PKNOX2: variants seen among roughly 807,000 people sequenced by gnomAD.
PKNOX2 encodes homeobox protein PKNOX2.
A neutral mutation model predicts 53.1 loss-of-function variants in PKNOX2; 14 were observed. That is an observed-to-expected ratio of 0.26 (90% confidence interval 0.17 to 0.41). The LOEUF (loss-of-function observed/expected upper bound fraction) is 0.41. Ranked by LOEUF, PKNOX2 falls within the 10% of genes least tolerant of loss-of-function variation. PKNOX2 has a pLI of 1.00. For synonymous variants in PKNOX2, 257 were observed against 242.8 expected (o/e 1.06, Z -0.54); for missense variants, 496 against 602.8 (o/e 0.82, Z 1.85).
intron 1 of PKNOX2, among the ~76,000 whole-genome samples, chr11:125,176,059 A>G (rs1004506060): frequency 1.3e-5 from 2 of 152,156 alleles, no homozygotes; most frequent in African/African-American, 4.8e-5. Context: ...GTGGCTTTCC[A>G]TGACTTCCTT....
At chr11:125,423,404 A>G (rs959131616) in intron 10 of PKNOX2, among the ~76,000 whole-genome samples, 2 of 152,094 alleles carry the variant, frequency 1.3e-5, no homozygotes, top group African/African-American at 4.8e-5. Flanking sequence ...AAAAAGCAGC[A>G]TTATTAGTGA....
At chr11:125,288,546 C>T (rs909165058) in intron 2 of PKNOX2, among the ~76,000 whole-genome samples, 4 of 152,232 alleles carry the variant, frequency 2.6e-5, no homozygotes, top group Admixed American at 2.6e-4. Context: ...CCTCATGGCC[C>T]ATCGGCCCTG....
In PKNOX2 at chr11:125,367,871, C is replaced by T. The variant is rs1952276007; in HGVS notation, c.113C>T (p.Ser38Phe). Residue 38 changes from serine (S) to phenylalanine (F), a missense_variant, in exon 5 of 13, where the codon TCC (serine) becomes TTC (phenylalanine). Ser to Phe is a radical substitution (Grantham distance 155). Transcript: ENST00000298282. The stretch of plus-strand genomic sequence containing the variant: ...ATGACGGCAACCGCCCAGCCACCCT[C>T]CAAGGCCCAGGCTGTCCACATCTCT... ...PQMTATAQPPSKAQAVHISAP... is the reference protein window; with the variant it reads ...PQMTATAQPPFKAQAVHISAP... 6.2e-7 allele frequency: 1 copy of T among 1,613,106 alleles called. No individual in the cohort carries two copies. The highest frequency in any genetic ancestry group is 1.3e-5 in the African/African-American group (1 of 75,036).
In PKNOX2 at chr11:125,166,129, AGTTTACACGCC is replaced by A. The variant is rs1954859661; in HGVS notation, c.-201+1355_-201+1365del. Reference sequence around the variant, plus strand: ...AATCGGGATCGAGGGGCCGATAAGTAGTTTACACGCCGGCCAGAGCAGAGGGCTGGAGGTCG... The same window carrying A: ...AATCGGGATCGAGGGGCCGATAAGTAGGCCAGAGCAGAGGGCTGGAGGTCG... On this transcript the variant is annotated intron_variant, in intron 1 of 12. Transcript: ENST00000298282. The surrounding 1 kb of genome is among the most constrained non-coding windows in gnomAD (Gnocchi z 4.0). 6.6e-6 allele frequency among the ~76,000 whole-genome samples: 1 copy of A among 152,078 alleles called. No homozygotes were observed. The highest frequency in any genetic ancestry group is 1.5e-5 in the Non-Finnish European group (1 of 68,032).
At chr11:125,284,557 G>A (rs1946778076) in intron 2 of PKNOX2, among the ~76,000 whole-genome samples, 2 of 152,144 alleles carry the variant, frequency 1.3e-5, no homozygotes, top group South Asian at 2.1e-4. Context: ...GCTATTTTTT[G>A]CAAATAAAAT....
chr11:125,336,019 A>C (rs1950418054), intron 3 of PKNOX2, among the ~76,000 whole-genome samples: 1 of 152,218 alleles, frequency 6.6e-6, no homozygotes, highest in Non-Finnish European at 1.5e-5. Context: ...TGTTCTAAAA[A>C]CTTGCTTTTT....
At chr11:125,360,992 G>A (rs1435515493) in intron 4 of PKNOX2, among the ~76,000 whole-genome samples, 1 of 151,912 alleles carries the variant, frequency 6.6e-6, no homozygotes, top group Middle Eastern at 3.2e-3. Flanking sequence ...TTCCAGCTCT[G>A]GGCTGGACAC....
intron 2 of PKNOX2, among the ~76,000 whole-genome samples, chr11:125,278,408 A>T (rs1305138776): frequency 6.6e-6 from 1 of 152,172 alleles, no homozygotes; most frequent in East Asian, 1.9e-4. Flanking sequence ...AGAGACCAGG[A>T]TCCCCAGAGG....
chr11:125,317,547 A>C (rs1448204422), intron 2 of PKNOX2, among the ~76,000 whole-genome samples: 1 of 152,188 alleles, frequency 6.6e-6, no homozygotes, highest in Non-Finnish European at 1.5e-5. Context: ...GTACATCTCC[A>C]TCAGAGCTCT....
At chr11:125,300,969 T>G (rs1948023613) in intron 2 of PKNOX2, among the ~76,000 whole-genome samples, 1 of 152,188 alleles carries the variant, frequency 6.6e-6, no homozygotes, top group African/African-American at 2.4e-5. Flanking sequence ...CTAGCGAGAT[T>G]GCAGTGTGTG....
intron 12 of PKNOX2, 125 bp from the exon 13 acceptor site, chr11:125,431,041 T>C: frequency 2.1e-6 from 3 of 1,458,526 alleles, no homozygotes; most frequent in South Asian, 2.8e-5. Context: ...AGCTCAGGCT[T>C]GGACAGCTCT....
At chr11:125,354,357 C>T (rs1951480753) in intron 4 of PKNOX2, among the ~76,000 whole-genome samples, 2 of 152,146 alleles carry the variant, frequency 1.3e-5, no homozygotes, top group Admixed American at 1.3e-4. Context: ...TCCTTTAGGT[C>T]TAATCTCATT....
chr11:125,429,883 A>G (rs1956612673), intron 11 of PKNOX2, 80 bp from the exon 12 acceptor site: 1 of 1,455,126 alleles, frequency 6.9e-7, no homozygotes, highest in Admixed American at 2.2e-5. Flanking sequence ...TGGAGTCTGA[A>G]GGCAGCTTCA....
Position 125,223,300 on chromosome 11 carries a change from G to C in PKNOX2, c.-200-11745G>C, listed in dbSNP as rs375094019. Among the ~76,000 whole-genome samples the C allele has an allele frequency of 1.4e-4, 21 of 152,038 alleles. No individual in the cohort carries two copies. In the East Asian group the frequency reaches 1.7e-3, roughly 13 times the overall value. ...GCTGGAATGCAATGGCGCAATCTTG[G>C]CCCACTGCAACCTCCGCCTCCCTGG... is the stretch of plus-strand genomic sequence containing the variant. On this transcript the variant is annotated intron_variant, in intron 1 of 12. Coordinates refer to ENST00000298282, the MANE Select transcript of PKNOX2 (RefSeq NM_001382323.2).
At chr11:125,266,518 G>A (rs1022395918) in intron 2 of PKNOX2, 1 of 152,142 alleles carries the variant, frequency 6.6e-6, no homozygotes, top group Non-Finnish European at 1.5e-5. Context: ...AGGCAGGAAG[G>A]GGGTATTAAT....
At chr11:125,222,122 C>T (rs897305428) in intron 1 of PKNOX2, among the ~76,000 whole-genome samples, 5 of 152,168 alleles carry the variant, frequency 3.3e-5, no homozygotes, top group African/African-American at 1.2e-4. Flanking sequence ...AAGCCAGAAG[C>T]ACGTCAGACA....
chr11:125,226,465 G>T (rs1189440539), intron 1 of PKNOX2, among the ~76,000 whole-genome samples: 1 of 152,180 alleles, frequency 6.6e-6, no homozygotes, highest in Non-Finnish European at 1.5e-5. Context: ...GGGTTGAATA[G>T]ATGAGGAAGT....
At chr11:125,320,273 C>T (rs771324561) in intron 2 of PKNOX2, among the ~76,000 whole-genome samples, 1 of 152,152 alleles carries the variant, frequency 6.6e-6, no homozygotes, top group Non-Finnish European at 1.5e-5. Context: ...TAGCACCCCT[C>T]CTTTTCTAAC....
intron 10 of PKNOX2, among the ~76,000 whole-genome samples, chr11:125,418,585 G>A (rs559849418): frequency 4.6e-5 from 7 of 152,130 alleles, no homozygotes; most frequent in East Asian, 1.9e-4. Context: ...AGGAGGGCAC[G>A]TGGAGGTGAA....
Sources: allele counts gnomAD v4.1 joint callset (sites outside exome capture counted in the v4.1 genomes callset), GRCh38; gene constraint gnomAD v4.1.1; non-coding constraint Gnocchi (gnomAD v3.1); transcripts MANE v1.5; gene names NCBI Gene and HGNC (gene_info 2026-07-23, HGNC 2026-07-21).